Variants in CERS6 observed in about 807,000 individuals in gnomAD.
CERS6 encodes ceramide synthase 6.
A neutral mutation model predicts 56.8 loss-of-function variants in CERS6; 26 were observed. That is an observed-to-expected ratio of 0.46 (90% confidence interval 0.34 to 0.63). CERS6 has a LOEUF of 0.63. Among genes scored for constraint, CERS6 ranks in the 30% least tolerant of loss-of-function variants. The pLI is 0.01. For missense variants in CERS6, 415 were observed against 467.5 expected, an observed-to-expected ratio of 0.89 and a Z score of 1.04; for synonymous variants, 164 against 173.3, an observed-to-expected ratio of 0.95 and a Z score of 0.42.
In CERS6 at chr2:168,686,101, C is replaced by T. The variant is rs371671780; in HGVS notation, c.466-4933C>T. ...ACCGCATACTAGATGGCTTGAGCAA[C>T]GGAAATTTCTCATCGTTCTGGAGGC... On this transcript the variant is annotated intron_variant, in intron 4 of 9. Coordinates refer to ENST00000305747, the MANE Select transcript of CERS6 (RefSeq NM_203463.3). Among the ~76,000 whole-genome samples, 58 of 146,394 alleles carry T rather than the reference C, an allele frequency of 4.0e-4. 1 individual carries two copies. The highest frequency in any genetic ancestry group is 1.4e-3 in the African/African-American group (54 of 39,200).
chr2:168,493,183 T>C (rs942497912), intron 1 of CERS6, among the ~76,000 whole-genome samples: 2 of 152,176 alleles, frequency 1.3e-5, no homozygotes, highest in Non-Finnish European at 2.9e-5. Flanking sequence ...ATTTTCCTTA[T>C]TGTACTTTTA....
In CERS6 at chr2:168,481,138, G is replaced by A. The variant is rs530659163; in HGVS notation, c.170+24520G>A. On this transcript the variant is annotated intron_variant, in intron 1 of 9. Transcript: ENST00000305747. Reference sequence around the variant, plus strand: ...AGAGGGACAGTTGGCCAGGCTGGCCGGGCGCAGTGGCTCACGCCTGTAATC... The same window carrying A: ...AGAGGGACAGTTGGCCAGGCTGGCCAGGCGCAGTGGCTCACGCCTGTAATC... Among the ~76,000 whole-genome samples, 28 of 152,276 alleles carry A rather than the reference G, an allele frequency of 1.8e-4. No homozygotes were observed. In the South Asian group the frequency reaches 4.2e-3, roughly 23 times the overall value.
chr2:168,741,699 G>A (rs541053176), intron 8 of CERS6, among the ~76,000 whole-genome samples: 3 of 152,302 alleles, frequency 2.0e-5, no homozygotes, highest in East Asian at 1.9e-4. Flanking sequence ...TATATAATAA[G>A]TAAGGAAAAT....
rs1400204725 is a variant in CERS6, at chr2:168,670,972, C to CG, written c.466-20062_466-20061insG. 1.1e-4 allele frequency among the ~76,000 whole-genome samples: 7 copies of CG among 61,388 alleles called. 1 individual carries two copies. The East Asian group carries it at 2.0e-3, about 18-fold the overall frequency. 40.3% of individuals were successfully genotyped at this position (61,388 alleles called of 152,430 possible). ...CAGGTGCTGGATACATGCTTCCCCC[C>CG]CCCCCCCCAGACGGAAGCTTGCTCT... is the stretch of plus-strand genomic sequence containing the variant. On this transcript the variant is annotated intron_variant, in intron 4 of 9. Coordinates refer to ENST00000305747, the MANE Select transcript of CERS6 (RefSeq NM_203463.3).
chr2:168,762,922 T>G (rs753142204), intron 8 of CERS6, among the ~76,000 whole-genome samples: 17 of 152,148 alleles, frequency 1.1e-4, no homozygotes, highest in Non-Finnish European at 2.1e-4. Context: ...TCGCCCAGGC[T>G]GGAGTGCAGT....
At chr2:168,646,893 C>A (rs1450850534) in intron 4 of CERS6, among the ~76,000 whole-genome samples, 2 of 152,172 alleles carry the variant, frequency 1.3e-5, no homozygotes, top group Admixed American at 1.3e-4. Flanking sequence ...GGTCTATGTG[C>A]CTGTTTTTGT....
At chr2:168,706,118 A>G (rs1686935002) in intron 6 of CERS6, among the ~76,000 whole-genome samples, 1 of 152,124 alleles carries the variant, frequency 6.6e-6, no homozygotes, top group South Asian at 2.1e-4. Context: ...CAATTAAGAA[A>G]ACTATCTACA....
chr2:168,487,385 C>T (rs1694293715), intron 1 of CERS6, among the ~76,000 whole-genome samples: 1 of 152,176 alleles, frequency 6.6e-6, no homozygotes, highest in Admixed American at 6.5e-5. Flanking sequence ...AAATGACTGG[C>T]AGAGAGGTGG....
intron 8 of CERS6, among the ~76,000 whole-genome samples, chr2:168,764,666 A>ATT (rs1419971163): frequency 5.3e-5 from 8 of 152,010 alleles, no homozygotes; most frequent in African/African-American, 1.9e-4. Context: ...GTACTTAAGT[A>ATT]ATGTTTAGGA....
intron 4 of CERS6, among the ~76,000 whole-genome samples, chr2:168,659,359 T>C (rs904444882): frequency 2.6e-5 from 4 of 152,260 alleles, no homozygotes; most frequent in African/African-American, 9.6e-5. Flanking sequence ...CACGATTTCC[T>C]ACCCCTAGAT....
intron 4 of CERS6, among the ~76,000 whole-genome samples, chr2:168,668,773 A>C (rs1685832791): frequency 6.6e-6 from 1 of 152,132 alleles, no homozygotes; most frequent in African/African-American, 2.4e-5. Flanking sequence ...ATCTTTTATC[A>C]ATTTAGAAGT....
intron 6 of CERS6, among the ~76,000 whole-genome samples, chr2:168,711,795 G>C (rs566009092): frequency 4.7e-5 from 7 of 149,112 alleles, no homozygotes; most frequent in African/African-American, 1.7e-4. Flanking sequence ...AAATTAATAA[G>C]AGTTGGATTA....
intron 4 of CERS6, among the ~76,000 whole-genome samples, chr2:168,666,714 C>A (rs1685771074): frequency 1.3e-5 from 2 of 152,198 alleles, no homozygotes; most frequent in Non-Finnish European, 2.9e-5. Flanking sequence ...AAAGGGCCTG[C>A]ATTGAGAACC....
At chr2:168,561,451 A>G in intron 3 of CERS6, 129 bp downstream of exon 3, 9 of 964,408 alleles carry the variant, frequency 9.3e-6, no homozygotes, top group African/African-American at 1.6e-5. Flanking sequence ...AAAATAGTTC[A>G]GGAAAAACAC....
intron 3 of CERS6, among the ~76,000 whole-genome samples, chr2:168,612,910 AT>A (rs1684223418): frequency 6.6e-6 from 1 of 152,194 alleles, no homozygotes; most frequent in Non-Finnish European, 1.5e-5. Flanking sequence ...CTCTGTCATG[AT>A]TAATCAATTG....
intron 1 of CERS6, among the ~76,000 whole-genome samples, chr2:168,471,836 G>A (rs1434161628): frequency 6.6e-6 from 1 of 152,186 alleles, no homozygotes; most frequent in Non-Finnish European, 1.5e-5. Flanking sequence ...TGCTCTGAAT[G>A]AGAACTGCCA....
intron 3 of CERS6, among the ~76,000 whole-genome samples, chr2:168,579,028 G>A (rs2105394497): frequency 6.6e-6 from 1 of 152,170 alleles, no homozygotes; most frequent in South Asian, 2.1e-4. Flanking sequence ...AATCTGAACA[G>A]GAACACAATA....
At chr2:168,483,520 A>G (rs1161190013) in intron 1 of CERS6, among the ~76,000 whole-genome samples, 1 of 152,142 alleles carries the variant, frequency 6.6e-6, no homozygotes, top group East Asian at 1.9e-4. Context: ...CAGAGTTGGC[A>G]TCAAATATGT....
chr2:168,520,692 C>A (rs187600412), intron 1 of CERS6, among the ~76,000 whole-genome samples: 1 of 147,114 alleles, frequency 6.8e-6, no homozygotes, highest in East Asian at 2.0e-4. Flanking sequence ...TCACCGCAAC[C>A]TCCGCCTCCT....
Sources: gnomAD v4.1 joint callset for allele counts (sites outside exome capture counted in the v4.1 genomes callset) on GRCh38, gnomAD v4.1.1 for gene constraint, MANE v1.5 for transcripts, NCBI Gene and HGNC (gene_info 2026-07-23, HGNC 2026-07-21) for gene names.